CRISPLD1: variants seen among roughly 807,000 people sequenced by gnomAD.
CRISPLD1 encodes the protein cysteine rich secretory protein LCCL domain containing 1.
Under a neutral mutation model 77.5 loss-of-function variants are expected in CRISPLD1, and 60 were observed. That is an observed-to-expected ratio of 0.77 (90% CI 0.63 to 0.96). The LOEUF (loss-of-function observed/expected upper bound fraction) is 0.96. CRISPLD1 is among the 40% of genes least tolerant of loss of function. The pLI is 0.00. For synonymous variants in CRISPLD1, 195 were observed against 200.1 expected, an observed-to-expected ratio of 0.97 and a Z score of 0.22; for missense variants, 623 against 615.8, an observed-to-expected ratio of 1.01 and a Z score of -0.12.
intron 2 of CRISPLD1, among the ~76,000 whole-genome samples, chr8:75,005,334 A>G (rs1366443439): frequency 1.3e-5 from 2 of 152,166 alleles, no homozygotes; most frequent in African/African-American, 4.8e-5. Context: ...GGAAAGACTT[A>G]TTTCAGCTCC....
chr8:75,029,593 C>A, intron 14 of CRISPLD1, 76 bp downstream of exon 14: 1 of 1,443,076 alleles, frequency 6.9e-7, no homozygotes, highest in Non-Finnish European at 9.5e-7. Context: ...ACAGTTGACC[C>A]ACTTGAATAT....
At chr8:75,009,162 C>G (rs1812885909) in intron 2 of CRISPLD1, among the ~76,000 whole-genome samples, 1 of 152,044 alleles carries the variant, frequency 6.6e-6, no homozygotes, top group Admixed American at 6.6e-5. Context: ...ATTGCCCTGA[C>G]TTGAGTTGCT....
chr8:74,995,663 C>T (rs1386795006), intron 2 of CRISPLD1, among the ~76,000 whole-genome samples: 1 of 152,176 alleles, frequency 6.6e-6, no homozygotes, highest in African/African-American at 2.4e-5. Flanking sequence ...AACTCTCTTC[C>T]AGCCTGAAGT....
intron 14 of CRISPLD1, among the ~76,000 whole-genome samples, chr8:75,030,621 C>CTA (rs1554535306): frequency 6.6e-6 from 1 of 151,806 alleles, no homozygotes; most frequent in Non-Finnish European, 1.5e-5. Context: ...CCTGAGCACT[C>CTA]TAAGTATGTT....
chr8:75,004,794 T>C (rs1444510343), intron 2 of CRISPLD1, among the ~76,000 whole-genome samples: 2 of 152,204 alleles, frequency 1.3e-5, no homozygotes, highest in Non-Finnish European at 2.9e-5. Context: ...AAATCACTTC[T>C]GCATTCATGA....
At chr8:75,010,733 T>A (rs2128784646) in intron 2 of CRISPLD1, among the ~76,000 whole-genome samples, 1 of 152,232 alleles carries the variant, frequency 6.6e-6, no homozygotes, top group East Asian at 1.9e-4. Context: ...GCCTGGCTTC[T>A]TTTGTTATCT....
chr8:75,014,862 C>G lies in CRISPLD1; in HGVS notation c.677C>G (p.Ala226Gly), dbSNP rs1472395678. Residue 226 changes from alanine (A) to glycine (G), a missense_variant, in exon 6 of 15, where the codon GCT (alanine) becomes GGT (glycine). By Grantham distance (60) the Ala-to-Gly change is moderately conservative. Transcript: ENST00000262207. ...TACAAACATGGGCGGCCCTGTTCTG[C>G]TTGCCCACCTAGTTTTGGAGGGGGC... ...APYKHGRPCS[A>G]CPPSFGGGCR... 6.3e-7 allele frequency: 1 copy of G among 1,579,670 alleles called. No individual in the cohort carries two copies. Among genetic ancestry groups the G allele is most frequent in the African/African-American group, 1.4e-5 (1 of 71,772 alleles).
intron 2 of CRISPLD1, among the ~76,000 whole-genome samples, chr8:74,990,328 A>G (rs1282783191): frequency 6.6e-6 from 1 of 151,820 alleles, no homozygotes; most frequent in African/African-American, 2.4e-5. Flanking sequence ...GTAGTGAGAT[A>G]AGACATTTGC....
chr8:75,020,433 A>G (rs773531821), intron 12 of CRISPLD1, among the ~76,000 whole-genome samples: 2 of 152,146 alleles, frequency 1.3e-5, no homozygotes, highest in Non-Finnish European at 2.9e-5. Context: ...GAAGTTCAAG[A>G]TCAAGGTGCT....
intron 14 of CRISPLD1, 125 bp from the exon 15 acceptor site, chr8:75,032,066 A>G: frequency 3.2e-6 from 2 of 616,800 alleles, no homozygotes; most frequent in East Asian, 5.4e-5. Flanking sequence ...TAGTAGCCTA[A>G]GAAAGTTGAC....
At chr8:74,999,998 T>C (rs1280447013) in intron 2 of CRISPLD1, among the ~76,000 whole-genome samples, 1 of 146,734 alleles carries the variant, frequency 6.8e-6, no homozygotes, top group Non-Finnish European at 1.5e-5. Context: ...AGGGAGGAAG[T>C]AGAATTTCAG....
At chr8:74,996,493 A>C (rs1360897443) in intron 2 of CRISPLD1, among the ~76,000 whole-genome samples, 1 of 152,042 alleles carries the variant, frequency 6.6e-6, no homozygotes, top group East Asian at 1.9e-4. Context: ...CATATTGGGT[A>C]GTTGGAGAAG....
intron 10 of CRISPLD1, among the ~76,000 whole-genome samples, chr8:75,018,193 A>G (rs1467339359): frequency 6.6e-6 from 1 of 152,186 alleles, no homozygotes; most frequent in Non-Finnish European, 1.5e-5. Context: ...AGTGGGGTTA[A>G]GTTAGAATTA....
chr8:75,012,457 T>G lies in CRISPLD1; in HGVS notation c.283T>G (p.Ser95Ala). Residue 95 changes from serine (S) to alanine (A), a missense_variant, in exon 3 of 15, where the codon TCT (serine) becomes GCT (alanine). Transcript: ENST00000262207. ...GACATGGGATGTAGAGCTGGAAAGATCTGCAGAATCCTGGGCTGAAAGTTG... is the reference window on the plus strand; with the variant it reads ...GACATGGGATGTAGAGCTGGAAAGAGCTGCAGAATCCTGGGCTGAAAGTTG... ...YMTWDVELER[S>A]AESWAESCLW... 6.2e-7 allele frequency: 1 copy of G among 1,612,670 alleles called. No homozygotes were observed. The highest frequency in any genetic ancestry group is 8.5e-7 in the Non-Finnish European group (1 of 1,178,874).
intron 2 of CRISPLD1, among the ~76,000 whole-genome samples, chr8:74,995,872 TTC>T (rs1812639144): frequency 2.0e-5 from 3 of 152,076 alleles, no homozygotes; most frequent in Admixed American, 1.3e-4. Flanking sequence ...TTCAGGAAAA[TTC>T]TCTCTTTGCT....
intron 4 of CRISPLD1, 100 bp from the exon 5 acceptor site, chr8:75,013,887 T>C (rs918342341): frequency 3.4e-5 from 26 of 758,070 alleles, no homozygotes; most frequent in South Asian, 6.3e-5. Context: ...ATGATAAACG[T>C]TGGCTTCTCA....
chr8:74,998,081 T>G (rs1444250988), intron 2 of CRISPLD1, among the ~76,000 whole-genome samples: 1 of 152,190 alleles, frequency 6.6e-6, no homozygotes, highest in Non-Finnish European at 1.5e-5. Flanking sequence ...GAGAAAGCAC[T>G]TGGCATAGGA....
rs915207876 is a variant in CRISPLD1, at chr8:75,016,896, G to T, written c.884G>T (p.Cys295Phe). 1.3e-6 allele frequency: 2 copies of T among 1,570,384 alleles called. No individual in the cohort carries two copies. The highest frequency in any genetic ancestry group is 1.7e-6 in the Non-Finnish European group (2 of 1,156,988). ...SAQQMSQIVS[C>F]EVRLRDQCKG... The stretch of plus-strand genomic sequence containing the variant: ...TTCTTTGTAGCCCAAATTGTTTCTT[G>T]TGAAGTAAGATTAAGAGATCAGTGC... The change falls in exon 8 of 15, where the codon TGT becomes TTT. Residue 295 changes from cysteine to phenylalanine, a missense_variant. Physicochemically the swap from Cys to Phe is radical, Grantham distance 205. Transcript: ENST00000262207.
intron 2 of CRISPLD1, among the ~76,000 whole-genome samples, chr8:75,012,029 A>G (rs1333872634): frequency 2.0e-5 from 3 of 152,120 alleles, no homozygotes; most frequent in Non-Finnish European, 2.9e-5. Context: ...TTGTCTGACA[A>G]ATAACTGGGA....
Sources: gnomAD v4.1 joint callset for allele counts (sites outside exome capture counted in the v4.1 genomes callset) on GRCh38, gnomAD v4.1.1 for gene constraint, MANE v1.5 for transcripts, NCBI Gene and HGNC (gene_info 2026-07-23, HGNC 2026-07-21) for gene names.